ELMO1: variants seen among roughly 807,000 people sequenced by gnomAD.
The protein encoded by ELMO1 is engulfment and cell motility 1.
A neutral mutation model predicts 98.9 loss-of-function variants in ELMO1; 26 were observed. That is an observed-to-expected ratio of 0.26 (90% CI 0.19 to 0.36). The LOEUF (loss-of-function observed/expected upper bound fraction) is 0.36. ELMO1 is among the 10% of genes least tolerant of loss of function. The probability of loss-of-function intolerance (pLI) is 1.00; values close to 1 mark genes in which losing one functional copy is unlikely to be tolerated. For synonymous variants in ELMO1, 346 were observed against 346.0 expected (o/e 1.00, Z 0.00); for missense variants, 627 against 935.2 (o/e 0.67, Z 4.30).
intron 16 of ELMO1, among the ~76,000 whole-genome samples, chr7:36,979,632 A>G (rs1790876703): frequency 6.6e-6 from 1 of 152,134 alleles, no homozygotes; most frequent in South Asian, 2.1e-4. Flanking sequence ...CTTTAGCATT[A>G]AGTAGTCTAG....
chr7:37,347,970 C>G (rs767556216), intron 1 of ELMO1, among the ~76,000 whole-genome samples: 5 of 152,142 alleles, frequency 3.3e-5, no homozygotes, highest in Non-Finnish European at 7.4e-5. Context: ...TCCTATGCTT[C>G]CCCCAGCATA....
Position 37,190,059 on chromosome 7 carries a change from A to G in ELMO1, c.1086+21327T>C, listed in dbSNP as rs1420774342. 2.0e-5 allele frequency among the ~76,000 whole-genome samples: 3 copies of G among 147,510 alleles called. No homozygotes were observed. In the Admixed American group the frequency reaches 2.0e-4, roughly 10 times the overall value. ...CCCTACCAAAAAAAAAAAAAAAGGA[A>G]GAAGAAATGATATTTAGCAGAAATT... is the stretch of plus-strand genomic sequence containing the variant. On this transcript the variant is annotated intron_variant, in intron 13 of 21. Transcript: ENST00000310758.
In ELMO1 at chr7:37,003,745, G is replaced by A. The variant is rs116076676; in HGVS notation, c.1437+9554C>T. Among the ~76,000 whole-genome samples the A allele has an allele frequency of 4.4e-3, 673 of 152,330 alleles. 4 individuals carry two copies. The highest frequency in any genetic ancestry group is 0.015 in the African/African-American group (641 of 41,570). Reference sequence around the variant, plus strand: ...TATATATTTTAACTACCAAGCACCTGGATCTGGTATTCCGCAGAAAACATT... The same window carrying A: ...TATATATTTTAACTACCAAGCACCTAGATCTGGTATTCCGCAGAAAACATT... On this transcript the variant is annotated intron_variant, in intron 16 of 21. Coordinates refer to ENST00000310758, the MANE Select transcript of ELMO1 (RefSeq NM_014800.11).
intron 13 of ELMO1, among the ~76,000 whole-genome samples, chr7:37,163,024 C>A (rs1169027224): frequency 6.6e-6 from 1 of 152,140 alleles, no homozygotes; most frequent in Admixed American, 6.5e-5. Context: ...TGCTGCTCTA[C>A]TTGGTTGCCT....
chr7:37,117,104 T>C lies in ELMO1; in HGVS notation c.1191+16026A>G, dbSNP rs17170887. ...CTGACACTGAGGAAACACTGAGACTTTGGGGCTTTCACAGACTGTCCAACC... is the reference window on the plus strand; with the variant it reads ...CTGACACTGAGGAAACACTGAGACTCTGGGGCTTTCACAGACTGTCCAACC... On this transcript the variant is annotated intron_variant, in intron 14 of 21. Transcript: ENST00000310758. The C allele has an allele frequency of 4.3e-3, 891 of 205,512 alleles. 49 individuals are homozygous for C. In the East Asian group the frequency reaches 0.088, roughly 20 times the overall value. 12.7% of individuals were successfully genotyped at this position (205,512 alleles called of 1,614,324 possible). A position where few individuals can be genotyped will look rare whatever the true frequency, so the allele number is the denominator to read the frequency against.
chr7:36,956,321 A>T (rs1427337217), intron 16 of ELMO1, among the ~76,000 whole-genome samples: 1 of 152,100 alleles, frequency 6.6e-6, no homozygotes, highest in Non-Finnish European at 1.5e-5. Flanking sequence ...TCCATTGATG[A>T]TTTTCTTATC....
chr7:36,973,911 C>T (rs1790235912), intron 16 of ELMO1, among the ~76,000 whole-genome samples: 2 of 152,194 alleles, frequency 1.3e-5, no homozygotes, highest in Admixed American at 1.3e-4. Context: ...TGTACTGGGT[C>T]CCCCAGCAGT....
chr7:37,072,720 G>A (rs1297282175), intron 15 of ELMO1, among the ~76,000 whole-genome samples: 2 of 152,160 alleles, frequency 1.3e-5, no homozygotes, highest in African/African-American at 4.8e-5. Context: ...TAACTAGGAG[G>A]AGCCTGCAGT....
chr7:36,898,683 C>G (rs545521972), intron 16 of ELMO1, among the ~76,000 whole-genome samples: 1 of 152,336 alleles, frequency 6.6e-6, no homozygotes, highest in African/African-American at 2.4e-5. Flanking sequence ...TGAGGCTCCA[C>G]GTGCTCCTTG....
chr7:37,427,800 A>T (rs1373098078), intron 1 of ELMO1, among the ~76,000 whole-genome samples: 4 of 152,212 alleles, frequency 2.6e-5, no homozygotes, highest in Non-Finnish European at 5.9e-5. Flanking sequence ...CATTTCTGCA[A>T]GGCCTGTGGG....
At chr7:37,119,410 A>G (rs995107075) in intron 14 of ELMO1, among the ~76,000 whole-genome samples, 4 of 152,234 alleles carry the variant, frequency 2.6e-5, no homozygotes, top group Non-Finnish European at 5.9e-5. Context: ...AGGTAATTTC[A>G]GAGCATTTTC....
chr7:36,961,036 CT>C (rs775068464), intron 16 of ELMO1, among the ~76,000 whole-genome samples: 10 of 152,148 alleles, frequency 6.6e-5, no homozygotes, highest in Non-Finnish European at 1.3e-4. Flanking sequence ...CCACGTGTGT[CT>C]GTGTAGTTTT....
chr7:37,290,445 T>C (rs1361273947), intron 4 of ELMO1, among the ~76,000 whole-genome samples: 1 of 152,214 alleles, frequency 6.6e-6, no homozygotes, highest in African/African-American at 2.4e-5. Flanking sequence ...TAAATACATC[T>C]CAGTGTATTT....
intron 16 of ELMO1, among the ~76,000 whole-genome samples, chr7:36,998,369 C>T (rs909204171): frequency 2.6e-5 from 4 of 151,892 alleles, no homozygotes; most frequent in Non-Finnish European, 4.4e-5. Context: ...ACTTTGGAGT[C>T]GTATTTCTTC....
intron 1 of ELMO1, chr7:37,343,196 T>TTCC (rs1800810513): frequency 1.9e-5 from 3 of 155,498 alleles, no homozygotes; most frequent in Admixed American, 1.9e-4. Flanking sequence ...CAGTGTTTCT[T>TTCC]TAAAGTGTTT....
intron 1 of ELMO1, among the ~76,000 whole-genome samples, chr7:37,379,542 C>T (rs2131380535): frequency 6.6e-6 from 1 of 152,270 alleles, no homozygotes; most frequent in East Asian, 1.9e-4. Context: ...TATACTTCTT[C>T]TTGTCAATAA....
intron 21 of ELMO1, among the ~76,000 whole-genome samples, chr7:36,860,091 C>G (rs184623366): frequency 1.3e-5 from 2 of 152,176 alleles, no homozygotes; most frequent in African/African-American, 4.8e-5. Flanking sequence ...CCTAGCTTAC[C>G]TTATTGGAAG....
intron 2 of ELMO1, among the ~76,000 whole-genome samples, chr7:37,335,429 T>C (rs1261431903): frequency 6.6e-6 from 1 of 152,138 alleles, no homozygotes; most frequent in Non-Finnish European, 1.5e-5. Context: ...GGGAATCACA[T>C]ACAGTGCCTG....
At chr7:36,890,430 G>C (rs56215638) in intron 17 of ELMO1, among the ~76,000 whole-genome samples, 12,751 of 152,182 alleles carry the variant, frequency 0.084, 698 homozygotes, top group Middle Eastern at 0.14. Context: ...AAGCTCATCT[G>C]TCTGACTGTC....
Sources: allele counts gnomAD v4.1 joint callset (sites outside exome capture counted in the v4.1 genomes callset), GRCh38; gene constraint gnomAD v4.1.1; transcripts MANE v1.5; gene names NCBI Gene and HGNC (gene_info 2026-07-23, HGNC 2026-07-21).